CEP70: variants seen among roughly 807,000 people sequenced by gnomAD.
CEP70 encodes centrosomal protein 70, also known as centrosomal protein of 70 kDa.
Under a neutral mutation model 90.9 loss-of-function variants are expected in CEP70, and 70 were observed. That is an observed-to-expected ratio of 0.77 (90% CI 0.64 to 0.94). The LOEUF is 0.94. CEP70 is among the 40% of genes least tolerant of loss of function. The pLI is 0.00. For missense variants in CEP70, 648 were observed against 669.0 expected, an observed-to-expected ratio of 0.97 and a Z score of 0.35; for synonymous variants, 220 against 228.3, an observed-to-expected ratio of 0.96 and a Z score of 0.33.
chr3:138,575,474 T>A (rs609497), intron 2 of CEP70, among the ~76,000 whole-genome samples: 91,705 of 151,874 alleles, frequency 0.6, 28,269 homozygotes, highest in East Asian at 0.94. Context: ...TCTATGTCTG[T>A]TTGGTGTACC....
chr3:138,537,008 A>G (rs1026599957), intron 7 of CEP70, 170 bp downstream of exon 7: 59 of 390,056 alleles, frequency 1.5e-4, no homozygotes, highest in African/African-American at 1.1e-3. Context: ...GAACAAAAAA[A>G]AAAAAAAAAA....
intron 6 of CEP70, among the ~76,000 whole-genome samples, chr3:138,565,061 A>ACC (rs776797026): frequency 5.9e-5 from 9 of 152,228 alleles, no homozygotes; most frequent in Non-Finnish European, 1.2e-4. Flanking sequence ...TAATAGACAA[A>ACC]CAGGGCCAAA....
At chr3:138,591,992 A>C in intron 1 of CEP70, 36 bp from the exon 2 acceptor site, 1 of 705,500 alleles carries the variant, frequency 1.4e-6, no homozygotes, top group Non-Finnish European at 2.3e-6. Flanking sequence ...CAAAATCTTG[A>C]AATGTTCAAC....
At chr3:138,499,610 G>C (rs1418707661) in intron 16 of CEP70, among the ~76,000 whole-genome samples, 4 of 152,120 alleles carry the variant, frequency 2.6e-5, no homozygotes, top group Non-Finnish European at 2.9e-5. Context: ...CTAAGGGTTT[G>C]AGATTATCTT....
At chr3:138,546,967 G>A (rs558527521) in intron 6 of CEP70, among the ~76,000 whole-genome samples, 1 of 152,192 alleles carries the variant, frequency 6.6e-6, no homozygotes, top group African/African-American at 2.4e-5. Context: ...AGGAAAAAAG[G>A]TTCTCAGCTT....
At chr3:138,503,894 G>T (rs1319364753) in intron 13 of CEP70, among the ~76,000 whole-genome samples, 1 of 152,088 alleles carries the variant, frequency 6.6e-6, no homozygotes, top group African/African-American at 2.4e-5. Flanking sequence ...CGATATAAAT[G>T]ATTACATTTT....
intron 6 of CEP70, 114 bp downstream of exon 6, chr3:138,570,204 G>T: frequency 1.6e-6 from 1 of 621,590 alleles, no homozygotes; most frequent in East Asian, 3.3e-5. Context: ...AGGTAGCAGT[G>T]ATAAGCCAAA....
intron 2 of CEP70, among the ~76,000 whole-genome samples, chr3:138,573,710 A>C (rs1405527101): frequency 6.6e-6 from 1 of 152,206 alleles, no homozygotes; most frequent in Non-Finnish European, 1.5e-5. Flanking sequence ...TGTGAAGTAT[A>C]AAATGTACAA....
At chr3:138,548,817 C>T (rs894885712) in intron 6 of CEP70, among the ~76,000 whole-genome samples, 1 of 152,200 alleles carries the variant, frequency 6.6e-6, no homozygotes, top group Non-Finnish European at 1.5e-5. Flanking sequence ...AGAAAATCCA[C>T]AGACCCTCTG....
intron 6 of CEP70, among the ~76,000 whole-genome samples, chr3:138,547,068 G>A (rs1257130567): frequency 6.6e-6 from 1 of 152,162 alleles, no homozygotes; most frequent in Non-Finnish European, 1.5e-5. Context: ...AAACGGATGT[G>A]ACTCATGGCT....
intron 10 of CEP70, among the ~76,000 whole-genome samples, chr3:138,526,570 A>C (rs1241266417): frequency 6.6e-6 from 1 of 152,218 alleles, no homozygotes; most frequent in Non-Finnish European, 1.5e-5. Flanking sequence ...TGTTGAATGA[A>C]AAAAGGCTCA....
chr3:138,504,544 G>A (rs1343713035), intron 13 of CEP70, among the ~76,000 whole-genome samples: 4 of 152,064 alleles, frequency 2.6e-5, no homozygotes, highest in African/African-American at 9.7e-5. Context: ...TGCAAACACT[G>A]TTATTGAATC....
At chr3:138,559,242 T>C (rs572508047) in intron 6 of CEP70, among the ~76,000 whole-genome samples, 1 of 152,008 alleles carries the variant, frequency 6.6e-6, no homozygotes, top group African/African-American at 2.4e-5. Flanking sequence ...GGGTAGTCAA[T>C]GATAAATACT....
chr3:138,548,080 T>G (rs1482724468), intron 6 of CEP70, among the ~76,000 whole-genome samples: 1 of 152,046 alleles, frequency 6.6e-6, no homozygotes, highest in Non-Finnish European at 1.5e-5. Context: ...AGAAGAGAAC[T>G]ACAGACGAAT....
rs147225156 is a variant in CEP70, at chr3:138,580,881, T to C, written c.-5-7949A>G. On this transcript the variant is annotated intron_variant, in intron 2 of 17. Transcript: ENST00000264982. ...AGTGTGAGAAATGCAACTGACATAA[T>C]GAAGAATGCATCAGAGCCTCTTCAT... is the stretch of plus-strand genomic sequence containing the variant. 5.6e-3 allele frequency among the ~76,000 whole-genome samples: 856 copies of C among 152,104 alleles called. 6 individuals are homozygous for C. The highest frequency in any genetic ancestry group is 0.02 in the African/African-American group (811 of 41,482).
At chr3:138,506,221 T>C (rs898966173) in intron 12 of CEP70, among the ~76,000 whole-genome samples, 1 of 152,174 alleles carries the variant, frequency 6.6e-6, no homozygotes, top group African/African-American at 2.4e-5. Context: ...TGGTGGCTCA[T>C]GCCTGTAATC....
rs756967264 is a variant in CEP70 at position 138,529,377 on chromosome 3, T to C, written c.778A>G (p.Met260Val). ...DASPTYKGLL[M>V]SLQNQLKESK... Reference sequence around the variant, plus strand: ...TATTAGTTATGCAGTCCCCATACCATTAAAAGGCCTTTATAAGTTGGTGAG... The same window carrying C: ...TATTAGTTATGCAGTCCCCATACCACTAAAAGGCCTTTATAAGTTGGTGAG... Residue 260 changes from methionine to valine, a missense_variant and splice_region_variant, in exon 9 of 18, where the codon ATG (methionine) becomes GTG (valine). Met to Val is a conservative substitution (Grantham distance 21). Transcript: ENST00000264982. 1.9e-6 allele frequency: 3 copies of C among 1,602,842 alleles called. No individual in the cohort carries two copies. Among genetic ancestry groups the C allele is most frequent in the Admixed American group, 1.7e-5 (1 of 58,800 alleles).
At chr3:138,500,276 T>A (rs764216865) in intron 15 of CEP70, 52 bp from the exon 16 acceptor site, 1 of 1,528,004 alleles carries the variant, frequency 6.5e-7, no homozygotes. Context: ...CAAAATTACA[T>A]ACATCAAACA....
rs1371099395 is a variant in CEP70 at position 138,497,256 on chromosome 3, C to G, written c.1732+775G>C. On this transcript the variant is annotated intron_variant, in intron 17 of 17. Transcript: ENST00000264982. ...TACTTCTTTCACTTATTCTTCTTAT[C>G]AAGTTTTCATTGACTCATTCCCTTA... 4 of 1,266,548 alleles carry G rather than the reference C, an allele frequency of 3.2e-6. No individual in the cohort carries two copies. The Admixed American group carries it at 1.0e-4, about 33-fold the overall frequency. 78.5% of individuals were successfully genotyped at this position (1,266,548 alleles called of 1,614,324 possible). A position where few individuals can be genotyped will look rare whatever the true frequency, so the allele number is the denominator to read the frequency against.
Sources: allele counts gnomAD v4.1 joint callset (sites outside exome capture counted in the v4.1 genomes callset), GRCh38; gene constraint gnomAD v4.1.1; transcripts MANE v1.5; gene names NCBI Gene and HGNC (gene_info 2026-07-23, HGNC 2026-07-21).